The following TRERF1 variants were observed in gnomAD, a reference collection of about 807,000 sequenced individuals.
The protein encoded by TRERF1 is transcriptional regulating factor 1.
TRERF1 carries 27 observed loss-of-function variants against 122.9 expected under a neutral mutation model. The ratio of observed to expected loss-of-function variants is 0.22; its 90% CI spans 0.16 to 0.30. The LOEUF is 0.30. Ranked by LOEUF, TRERF1 falls within the 10% of genes least tolerant of loss-of-function variation. The pLI is 1.00. For synonymous variants in TRERF1, 636 were observed against 641.7 expected (o/e 0.99, Z 0.13); for missense variants, 1,248 against 1,560.3 (o/e 0.80, Z 3.37).
chr6:42,388,302 G>A (rs1002892278), intron 2 of TRERF1, among the ~76,000 whole-genome samples: 6 of 150,944 alleles, frequency 4.0e-5, no homozygotes, highest in African/African-American at 1.2e-4. Flanking sequence ...AGTTGGGTTC[G>A]AATTATTTTT....
exon 18 of TRERF1, chr6:42,225,458 T>C (rs1769387991): frequency 1.3e-5 from 2 of 151,944 alleles, no homozygotes. Flanking sequence ...TTACATAAAA[T>C]CCTTATTAAA....
At chr6:42,347,949 C>CA (rs1343635740) in intron 3 of TRERF1, among the ~76,000 whole-genome samples, 1 of 152,070 alleles carries the variant, frequency 6.6e-6, no homozygotes, top group Non-Finnish European at 1.5e-5. Context: ...TGATTTTTCT[C>CA]AAAAATCAAA....
At chr6:42,440,888 T>C (rs949408017) in intron 2 of TRERF1, among the ~76,000 whole-genome samples, 5 of 152,072 alleles carry the variant, frequency 3.3e-5, no homozygotes, top group Non-Finnish European at 5.9e-5. Context: ...TCTGCTATTA[T>C]TGAATACCCC....
chr6:42,254,063 G>A (rs1362718248), intron 13 of TRERF1, among the ~76,000 whole-genome samples: 3 of 152,140 alleles, frequency 2.0e-5, no homozygotes, highest in African/African-American at 7.2e-5. Context: ...CACTTCTTAG[G>A]CTCTCCGACC....
At position 42,269,089 on chromosome 6, in the gene TRERF1, T is replaced by G. The variant is rs148701026; in HGVS notation, c.502A>C (p.Thr168Pro). 1.2e-6 allele frequency: 2 copies of G among 1,614,140 alleles called. No homozygotes were observed. Among genetic ancestry groups the G allele is most frequent in the South Asian group, 2.2e-5 (2 of 91,086 alleles). ...GCTCCATCCATCACTGCTGACTGAG[T>G]GTGCAGCACCTGGGCCATATTGTTG... is the stretch of plus-strand genomic sequence containing the variant. The change falls in exon 5 of 18, where the codon ACT (threonine) becomes CCT (proline). Residue 168 changes from threonine (T) to proline (P), a missense_variant. This residue lies in a region of TRERF1 where 946 missense variants were observed against 1,073.0 expected (regional missense o/e 0.88). Transcript: ENST00000372922. This position sits in a 1 kb window ranked among gnomAD's most constrained non-coding sequence, Gnocchi z 4.9.
chr6:42,264,704 C>A, exon 7 of TRERF1: 1 of 1,613,886 alleles, frequency 6.2e-7, no homozygotes, highest in Non-Finnish European at 8.5e-7. Context: ...TCCTGCTAAC[C>A]TGTTTGAGGT....
At chr6:42,258,231 C>A in intron 9 of TRERF1, 30 bp from the exon 10 acceptor site, 1 of 1,608,364 alleles carries the variant, frequency 6.2e-7, no homozygotes, top group East Asian at 2.2e-5. Context: ...GGTCACTAGT[C>A]AACAGGGAAG....
At chr6:42,284,956 AGTAAGCAGACCTT>A (rs1432987242) in intron 4 of TRERF1, among the ~76,000 whole-genome samples, 1 of 152,178 alleles carries the variant, frequency 6.6e-6, no homozygotes, top group Admixed American at 6.5e-5. Context: ...CATTTTCTGA[AGTAAGCAGACCTT>A]TTTTTTTTCA....
intron 3 of TRERF1, among the ~76,000 whole-genome samples, chr6:42,311,216 T>C (rs946067873): frequency 6.6e-6 from 1 of 152,010 alleles, no homozygotes; most frequent in African/African-American, 2.4e-5. Flanking sequence ...GTATGATGAA[T>C]GTTATGAAGG....
chr6:42,311,845 G>T (rs181182010), intron 3 of TRERF1, among the ~76,000 whole-genome samples: 2 of 151,634 alleles, frequency 1.3e-5, no homozygotes, highest in East Asian at 1.9e-4. Context: ...CACTTTTCAC[G>T]TGGAGAACAA....
At chr6:42,365,589 A>T (rs1452450484) in intron 2 of TRERF1, among the ~76,000 whole-genome samples, 1 of 152,136 alleles carries the variant, frequency 6.6e-6, no homozygotes, top group Non-Finnish European at 1.5e-5. Context: ...ATCCTCAAAC[A>T]AGAGTCCTGT....
intron 13 of TRERF1, among the ~76,000 whole-genome samples, chr6:42,247,561 A>G (rs969623390): frequency 3.3e-5 from 5 of 152,202 alleles, no homozygotes; most frequent in Non-Finnish European, 7.3e-5. Context: ...GAGTGGAGCC[A>G]GTTCTTGACA....
chr6:42,404,128 A>G (rs752123894), intron 2 of TRERF1, among the ~76,000 whole-genome samples: 1 of 152,150 alleles, frequency 6.6e-6, no homozygotes. Context: ...CTGTTTGCAG[A>G]TGGTGCCCGA....
chr6:42,433,765 C>T (rs1425590086), intron 2 of TRERF1, among the ~76,000 whole-genome samples: 1 of 152,142 alleles, frequency 6.6e-6, no homozygotes, highest in Non-Finnish European at 1.5e-5. Context: ...CATTCATAAT[C>T]CCAGCACTTT....
intron 2 of TRERF1, among the ~76,000 whole-genome samples, chr6:42,434,673 C>CAG (rs777905436): frequency 0.018 from 1,990 of 109,770 alleles, 31 homozygotes; most frequent in East Asian, 0.065. Context: ...CTCCACCACA[C>CAG]ACACACACAC....
intron 2 of TRERF1, among the ~76,000 whole-genome samples, chr6:42,375,168 A>G (rs1048392733): frequency 1.3e-5 from 2 of 152,098 alleles, no homozygotes; most frequent in Non-Finnish European, 2.9e-5. Context: ...AGTCCATCAC[A>G]CAATGGGGCG....
chr6:42,299,137 C>CTCTCT (rs1554152228), intron 4 of TRERF1, among the ~76,000 whole-genome samples: 1 of 132,126 alleles, frequency 7.6e-6, no homozygotes, highest in African/African-American at 2.8e-5. Flanking sequence ...TATCTATCTA[C>CTCTCT]ATATATATAT....
chr6:42,234,287 G>GAAC (rs1771556421), intron 16 of TRERF1, among the ~76,000 whole-genome samples: 1 of 151,750 alleles, frequency 6.6e-6, no homozygotes, highest in South Asian at 2.1e-4. Context: ...CTGTCTAGCT[G>GAAC]TAGTAGTTGC....
chr6:42,421,353 T>C (rs972069671), intron 2 of TRERF1, among the ~76,000 whole-genome samples: 8 of 152,242 alleles, frequency 5.3e-5, no homozygotes, highest in Admixed American at 3.9e-4. Context: ...TATCTCTATA[T>C]ACACATAAAT....
Sources: allele counts gnomAD v4.1 joint callset (sites outside exome capture counted in the v4.1 genomes callset), GRCh38; gene constraint gnomAD v4.1.1; regional missense constraint gnomAD v4.1.1; non-coding constraint Gnocchi (gnomAD v3.1); transcripts MANE v1.5; gene names NCBI Gene and HGNC (gene_info 2026-07-23, HGNC 2026-07-21).